The following GTSE1 variants were observed in gnomAD, a reference collection of about 807,000 sequenced individuals.
GTSE1 encodes the protein G2 and S-phase expressed 1, also known as G2 and S phase-expressed protein 1.
In GTSE1, 52 loss-of-function variants were observed where a neutral mutation model predicts 60.5. The ratio of observed to expected loss-of-function variants is 0.86; its 90% confidence interval spans 0.69 to 1.08. The LOEUF (loss-of-function observed/expected upper bound fraction) is 1.08, where lower values mean the gene tolerates loss of function less well. GTSE1 is among the 50% of genes least tolerant of loss of function. GTSE1 has a pLI of 0.00. For missense variants in GTSE1, 937 were observed against 961.8 expected, an observed-to-expected ratio of 0.97 and a Z score of 0.34; for synonymous variants, 368 against 386.5, an observed-to-expected ratio of 0.95 and a Z score of 0.56.
At position 46,308,187 on chromosome 22, in the gene GTSE1, T is replaced by C; in HGVS notation, c.117T>C (p.Asp39=). 6.2e-7 allele frequency: 1 copy of C among 1,613,484 alleles called. No homozygotes were observed. The highest frequency in any genetic ancestry group is 8.5e-7 in the Non-Finnish European group (1 of 1,179,416). ...LLLADEKFDF[D]LSLSSSSANE... ...TGGCCGATGAAAAATTTGACTTCGA[T>C]CTTTCATTGTCTTCTTCGAGGTAAA... Residue 39 remains aspartate (D), a synonymous_variant, in exon 3 of 12, where the codon GAT becomes GAC. Transcript: ENST00000454366.
chr22:46,316,128 C>T lies in GTSE1; in HGVS notation c.1148C>T (p.Pro383Leu). The T allele has an allele frequency of 1.2e-6, 2 of 1,603,398 alleles. No homozygotes were observed. The highest frequency in any genetic ancestry group is 1.7e-6 in the Non-Finnish European group (2 of 1,172,524). Reference sequence around the variant, plus strand: ...AGAATGGGACCCGCCATGCTGCGGCCAGCTCTGCCTGCAGGCCCTGTGGGG... The same window carrying T: ...AGAATGGGACCCGCCATGCTGCGGCTAGCTCTGCCTGCAGGCCCTGTGGGG... Reference protein sequence around the residue: ...SGRMGPAMLRPALPAGPVGAS... With the variant: ...SGRMGPAMLRLALPAGPVGAS... The change falls in exon 7 of 12, where the codon CCA becomes CTA. Residue 383 changes from proline to leucine, a missense_variant. Pro to Leu is a moderately conservative substitution (Grantham distance 98). Coordinates refer to ENST00000454366, the MANE Select transcript of GTSE1 (RefSeq NM_016426.7). The surrounding 1 kb of genome is among the most constrained non-coding windows in gnomAD (Gnocchi z 5.0).
chr22:46,306,306 C>T (rs1411578373), intron 2 of GTSE1, among the ~76,000 whole-genome samples: 4 of 151,186 alleles, frequency 2.6e-5, no homozygotes, highest in Non-Finnish European at 4.4e-5. Flanking sequence ...CTCAGCCTCC[C>T]GAGTAGCTGG....
At chr22:46,306,951 G>C (rs898115142) in intron 2 of GTSE1, among the ~76,000 whole-genome samples, 3 of 152,212 alleles carry the variant, frequency 2.0e-5, no homozygotes, top group Non-Finnish European at 4.4e-5. Flanking sequence ...TGTTATCTTG[G>C]AGGAGCTTAT....
At chr22:46,305,437 G>A (rs559336433) in intron 2 of GTSE1, among the ~76,000 whole-genome samples, 3 of 150,936 alleles carry the variant, frequency 2.0e-5, no homozygotes, top group South Asian at 2.1e-4. Flanking sequence ...GTGAAACCCC[G>A]TCTCTACTAG....
rs1384166727 is a variant in GTSE1, at chr22:46,321,280, T to C, written c.1433-1910T>C. Among the ~76,000 whole-genome samples the C allele has an allele frequency of 6.6e-6, 1 of 152,172 alleles. No homozygotes were observed. The highest frequency in any genetic ancestry group is 1.5e-5 in the Non-Finnish European group (1 of 68,026). ...TTAGCTGGGCATGGTGCTGGGCACC[T>C]GTAGTCCCAGCTACTTGGGAGACTG... is the stretch of plus-strand genomic sequence containing the variant. On this transcript the variant is annotated intron_variant, in intron 7 of 11. Transcript: ENST00000454366. This position sits in a 1 kb window ranked among gnomAD's most constrained non-coding sequence, Gnocchi z 4.0.
chr22:46,311,075 T>G (rs910626285), intron 4 of GTSE1, among the ~76,000 whole-genome samples: 29 of 150,808 alleles, frequency 1.9e-4, no homozygotes, highest in African/African-American at 6.8e-4. Context: ...TTTTTTTTTG[T>G]TTTGTTTTGT....
At chr22:46,323,914 G>T (rs1056615535) in intron 8 of GTSE1, among the ~76,000 whole-genome samples, 2 of 151,982 alleles carry the variant, frequency 1.3e-5, no homozygotes, top group Admixed American at 6.6e-5. Flanking sequence ...GGATGGTCTC[G>T]ATCTCCTGGC....
Position 46,329,535 on chromosome 22 carries a change from A to G in GTSE1, c.2104A>G (p.Asn702Asp). The G allele has an allele frequency of 6.2e-7, 1 of 1,614,108 alleles. No individual in the cohort carries two copies. Among genetic ancestry groups the G allele is most frequent in the Non-Finnish European group, 8.5e-7 (1 of 1,180,002 alleles). Residue 702 changes from asparagine to aspartate, a missense_variant, in exon 11 of 12, where the codon AAT becomes GAT. Transcript: ENST00000454366. The surrounding 1 kb of genome is among the most constrained non-coding windows in gnomAD (Gnocchi z 6.4). ...GACAAACACTCCAGACATGAATAAA[A>G]ATGTGGCCAAACCTTCACCGGTGGT... Reference protein sequence around the residue: ...LMTNTPDMNKNVAKPSPVVGQ... With the variant: ...LMTNTPDMNKDVAKPSPVVGQ...
At position 46,320,589 on chromosome 22, in the gene GTSE1, A is replaced by C. The variant is rs1331401736; in HGVS notation, c.1433-2601A>C. Among the ~76,000 whole-genome samples the C allele has an allele frequency of 1.3e-5, 2 of 152,256 alleles. No homozygotes were observed. Among genetic ancestry groups the C allele is most frequent in the African/African-American group, 4.8e-5 (2 of 41,472 alleles). On this transcript the variant is annotated intron_variant, in intron 7 of 11. Coordinates refer to ENST00000454366, the MANE Select transcript of GTSE1 (RefSeq NM_016426.7). The surrounding 1 kb of genome is among the most constrained non-coding windows in gnomAD (Gnocchi z 7.1). ...GAGGGCACTCACAGCGTGGGACCAC[A>C]TGAACGGTGCCCTGTAGTGGAGGCT...
intron 9 of GTSE1, among the ~76,000 whole-genome samples, chr22:46,327,529 G>A (rs1310499307): frequency 2.0e-5 from 3 of 152,090 alleles, no homozygotes; most frequent in Non-Finnish European, 4.4e-5. Context: ...AAAATTAGCT[G>A]GGCATCATGG....
intron 6 of GTSE1, among the ~76,000 whole-genome samples, chr22:46,315,111 T>G (rs1413619291): frequency 6.7e-6 from 1 of 149,186 alleles, no homozygotes; most frequent in Non-Finnish European, 1.5e-5. Flanking sequence ...CAGGTTGGAG[T>G]GCAGTGGCGC....
In GTSE1 at chr22:46,314,053, A is replaced by T; in HGVS notation, c.1051+40A>T. 1 of 1,611,206 alleles carries T rather than the reference A, an allele frequency of 6.2e-7. No homozygotes were observed. The highest frequency in any genetic ancestry group is 8.5e-7 in the Non-Finnish European group (1 of 1,178,100). ...ATCATGCTTGGACCCACATCTGGCC[A>T]GGTGAGGCCTGGAGTGCTGCTCAGG... On this transcript the variant is annotated intron_variant, in intron 6 of 11. Coordinates refer to ENST00000454366, the MANE Select transcript of GTSE1 (RefSeq NM_016426.7). The surrounding 1 kb of genome is among the most constrained non-coding windows in gnomAD (Gnocchi z 7.1).
In GTSE1 at chr22:46,308,430, A is replaced by C. The variant is rs149168437; in HGVS notation, c.249A>C (p.Thr83=). ...NPVPEQPPLP[T]SESPFAWSPL... ...TTCCCGAACAGCCTCCGTTGCCCAC[A>C]TCTGAGAGTCCCTTTGCCTGGAGCC... Residue 83 remains threonine, a synonymous_variant, in exon 4 of 12, where the codon ACA becomes ACC. Coordinates refer to ENST00000454366, the MANE Select transcript of GTSE1 (RefSeq NM_016426.7). The C allele has an allele frequency of 4.5e-5, 73 of 1,614,052 alleles. No individual in the cohort carries two copies. The highest frequency in any genetic ancestry group is 6.1e-5 in the Non-Finnish European group (72 of 1,180,032).
chr22:46,312,187 C>G lies in GTSE1; in HGVS notation c.809C>G (p.Ala270Gly), dbSNP rs377710320. 22 of 1,613,928 alleles carry G rather than the reference C, an allele frequency of 1.4e-5. No homozygotes were observed. In the African/African-American group the frequency reaches 2.9e-4, roughly 22 times the overall value. The change falls in exon 5 of 12, where the codon GCT becomes GGT. Residue 270 changes from alanine to glycine, a missense_variant. Ala to Gly is a moderately conservative substitution (Grantham distance 60). Coordinates refer to ENST00000454366, the MANE Select transcript of GTSE1 (RefSeq NM_016426.7). ...PASPSRTKIP[A>G]EKESHRDVLP... ...AGTCCTTCCAGGACAAAAATCCCAG[C>G]TGAGAAGGAATCCCACCGGGATGTT...
Position 46,297,523 on chromosome 22 carries a change from A to G in GTSE1, c.79+44A>G, listed in dbSNP as rs375422901. On this transcript the variant is annotated intron_variant, in intron 2 of 11. Coordinates refer to ENST00000454366, the MANE Select transcript of GTSE1 (RefSeq NM_016426.7). This position sits in a 1 kb window ranked among gnomAD's most constrained non-coding sequence, Gnocchi z 4.9. ...GGCGCTGTTGTTGTTCAGGATGTTC[A>G]GTAGAGATGGAGGGTGATTTAATGT... 6 of 1,301,522 alleles carry G rather than the reference A, an allele frequency of 4.6e-6. No individual in the cohort carries two copies. The African/African-American group carries it at 7.3e-5, about 16-fold the overall frequency. 80.6% of individuals were successfully genotyped at this position (1,301,522 alleles called of 1,614,324 possible). A position where few individuals can be genotyped will look rare whatever the true frequency, so the allele number is the denominator to read the frequency against.
Position 46,313,767 on chromosome 22 carries a change from A to T in GTSE1, c.928-123A>T. The stretch of plus-strand genomic sequence containing the variant: ...TGTGATCCTCCGGCCTCAGCCTCCC[A>T]AAGTGCTGGGATTACAGGCGTGAGC... On this transcript the variant is annotated intron_variant, in intron 5 of 11. Coordinates refer to ENST00000454366, the MANE Select transcript of GTSE1 (RefSeq NM_016426.7). The surrounding 1 kb of genome is among the most constrained non-coding windows in gnomAD (Gnocchi z 4.4). The T allele has an allele frequency of 9.7e-7, 1 of 1,034,218 alleles. No homozygotes were observed. Among genetic ancestry groups the T allele is most frequent in the South Asian group, 1.4e-5 (1 of 71,774 alleles). The allele number at this position is 1,034,218 out of a possible 1,614,324, so 64.1% of individuals were successfully genotyped here.
In GTSE1 at chr22:46,319,274, C is replaced by T. The variant is rs998279524; in HGVS notation, c.1432+2862C>T. Among the ~76,000 whole-genome samples the T allele has an allele frequency of 3.3e-5, 5 of 152,110 alleles. No individual in the cohort carries two copies. Among genetic ancestry groups the T allele is most frequent in the Non-Finnish European group, 7.3e-5 (5 of 68,030 alleles). ...GTGCATAGGAGAGATCAGAGCAGAG[C>T]GACTTGACCTTCAGAAGGTCCCTCC... On this transcript the variant is annotated intron_variant, in intron 7 of 11. Coordinates refer to ENST00000454366, the MANE Select transcript of GTSE1 (RefSeq NM_016426.7). The surrounding 1 kb of genome is among the most constrained non-coding windows in gnomAD (Gnocchi z 5.0).
chr22:46,312,341 T>G (rs748062272), intron 5 of GTSE1, 36 bp downstream of exon 5: 1 of 1,585,278 alleles, frequency 6.3e-7, no homozygotes, highest in Admixed American at 1.8e-5. Flanking sequence ...TTGTGGTTGC[T>G]GGGAATGAGG....
At chr22:46,307,988 C>CTA (rs1471819344) in intron 2 of GTSE1, among the ~76,000 whole-genome samples, 162 bp from the exon 3 acceptor site, 19 of 152,256 alleles carry the variant, frequency 1.2e-4, no homozygotes, top group Non-Finnish European at 1.9e-4. Flanking sequence ...AAAAATATAA[C>CTA]TTAGAGCCCC....
Sources: allele counts gnomAD v4.1 joint callset (sites outside exome capture counted in the v4.1 genomes callset), GRCh38; gene constraint gnomAD v4.1.1; non-coding constraint Gnocchi (gnomAD v3.1); transcripts MANE v1.5; gene names NCBI Gene and HGNC (gene_info 2026-07-23, HGNC 2026-07-21).